ZC3H18: variants seen among roughly 807,000 people sequenced by gnomAD.
ZC3H18 encodes zinc finger CCCH domain-containing protein 18.
Under a neutral mutation model 106.1 loss-of-function variants are expected in ZC3H18, and 8 were observed. That is an observed-to-expected ratio of 0.08 (90% CI 0.04 to 0.14). ZC3H18 has a LOEUF of 0.14. Ranked by LOEUF, ZC3H18 falls within the 10% of genes least tolerant of loss-of-function variation. ZC3H18 has a pLI of 1.00. For missense variants in ZC3H18, 1,318 were observed against 1,278.4 expected, an observed-to-expected ratio of 1.03 and a Z score of -0.47; for synonymous variants, 635 against 522.1, an observed-to-expected ratio of 1.22 and a Z score of -2.95.
At position 88,577,608 on chromosome 16, in the gene ZC3H18, C is replaced by T. The variant is rs1216129993; in HGVS notation, c.485C>T (p.Thr162Ile). ...GATGATGAGGAGAAAGGCGAAGGCA[C>T]TCCCAGGGAGGAGGGGAAGGCTGGT... ...AEDDEEKGEG[T>I]PREEGKAGVQ... Residue 162 changes from threonine (T) to isoleucine (I), a missense_variant, in exon 2 of 18, where the codon ACT becomes ATT. By Grantham distance (89) the Thr-to-Ile change is moderately conservative. Around this residue, in one of 6 missense-constraint regions of ZC3H18, gnomAD observed 346 missense variants for 269.0 expected, o/e 1.29. Transcript: ENST00000301011. 5 of 1,613,684 alleles carry T rather than the reference C, an allele frequency of 3.1e-6. No homozygotes were observed. In the African/African-American group the frequency reaches 6.7e-5, roughly 22 times the overall value.
At chr16:88,574,893 G>A (rs1244660931) in intron 1 of ZC3H18, among the ~76,000 whole-genome samples, 1 of 148,030 alleles carries the variant, frequency 6.8e-6, no homozygotes, top group African/African-American at 2.5e-5. Flanking sequence ...GCAATGGCGC[G>A]ATCTCGGCTC....
intron 1 of ZC3H18, among the ~76,000 whole-genome samples, chr16:88,575,502 G>T (rs1463774898): frequency 6.6e-6 from 1 of 152,034 alleles, no homozygotes; most frequent in East Asian, 1.9e-4. Context: ...GTGACTAGCT[G>T]CCCTGGTAGT....
intron 2 of ZC3H18, among the ~76,000 whole-genome samples, chr16:88,581,269 C>T (rs1915112207): frequency 6.6e-6 from 1 of 152,220 alleles, no homozygotes; most frequent in African/African-American, 2.4e-5. Flanking sequence ...CCCAAAGTGC[C>T]AAGCCACTGT....
intron 1 of ZC3H18, among the ~76,000 whole-genome samples, chr16:88,572,845 C>T (rs1914497880): frequency 1.3e-5 from 2 of 152,022 alleles, no homozygotes; most frequent in African/African-American, 4.8e-5. Flanking sequence ...GCAACCTCCT[C>T]CTCCTGGGTT....
chr16:88,611,197 G>T, intron 7 of ZC3H18, 71 bp from the exon 8 acceptor site: 1 of 707,632 alleles, frequency 1.4e-6, no homozygotes. Flanking sequence ...TGGTGTTGGA[G>T]CCAAGGCTTT....
intron 6 of ZC3H18, among the ~76,000 whole-genome samples, chr16:88,604,523 A>G (rs1200703766): frequency 6.6e-6 from 1 of 151,956 alleles, no homozygotes; most frequent in Non-Finnish European, 1.5e-5. Flanking sequence ...CATCTCTACT[A>G]AAAATACAAA....
At chr16:88,630,634 C>A in intron 17 of ZC3H18, 53 bp downstream of exon 17, 1 of 1,504,866 alleles carries the variant, frequency 6.6e-7, no homozygotes, top group Non-Finnish European at 9.0e-7. Context: ...CAGCCCCAGT[C>A]GCTTCCCCAG....
Position 88,631,107 on chromosome 16 carries a change from C to T in ZC3H18, c.2670C>T (p.Arg890=), listed in dbSNP as rs755250555. The T allele has an allele frequency of 1.9e-6, 3 of 1,611,988 alleles. No homozygotes were observed. The South Asian group carries it at 3.3e-5, about 18-fold the overall frequency. ...KAPAAPADRK[R]QLSPQSKSSS... is the part of the protein sequence containing the mutation. Reference sequence around the variant, plus strand: ...CTTCCCCACCCCCTTGTAGGAAGCGCCAGCTGTCACCCCAGTCCAAGAGCT... The same window carrying T: ...CTTCCCCACCCCCTTGTAGGAAGCGTCAGCTGTCACCCCAGTCCAAGAGCT... Residue 890 remains arginine (R), a synonymous_variant, in exon 18 of 18, where the codon CGC becomes CGT. Transcript: ENST00000301011.
chr16:88,585,762 G>A (rs1353631740), intron 2 of ZC3H18, among the ~76,000 whole-genome samples: 1 of 152,120 alleles, frequency 6.6e-6, no homozygotes, highest in African/African-American at 2.4e-5. Flanking sequence ...GGGTGTGATG[G>A]GCAGTGGTGC....
At position 88,627,728 on chromosome 16, in the gene ZC3H18, G is replaced by C. The variant is rs1395207100; in HGVS notation, c.2215G>C (p.Val739Leu). 2 of 1,613,376 alleles carry C rather than the reference G, an allele frequency of 1.2e-6. No individual in the cohort carries two copies. Among genetic ancestry groups the C allele is most frequent in the Non-Finnish European group, 1.7e-6 (2 of 1,179,640 alleles). ...EDMYADLASP[V>L]SSASSRSPAP... ...CATGTACGCAGACCTGGCTAGCCCC[G>C]TGTCCTCAGCCAGCTCTCGGTCCCC... is the stretch of plus-strand genomic sequence containing the variant. Residue 739 changes from valine (V) to leucine (L), a missense_variant, in exon 14 of 18, where the codon GTG becomes CTG. Coordinates refer to ENST00000301011, the MANE Select transcript of ZC3H18 (RefSeq NM_144604.4). This position sits in a 1 kb window ranked among gnomAD's most constrained non-coding sequence, Gnocchi z 4.5.
At chr16:88,583,496 G>A (rs558580588) in intron 2 of ZC3H18, among the ~76,000 whole-genome samples, 1 of 152,244 alleles carries the variant, frequency 6.6e-6, no homozygotes, top group Non-Finnish European at 1.5e-5. Context: ...GACTTTTGCA[G>A]ATCAGGTGAC....
chr16:88,620,988 T>A lies in ZC3H18; in HGVS notation c.1476-1209T>A, dbSNP rs2142796797. Among the ~76,000 whole-genome samples the A allele has an allele frequency of 1.3e-5, 2 of 150,700 alleles. 1 individual carries two copies. The highest frequency in any genetic ancestry group is 3.9e-4 in the East Asian group (2 of 5,078). ...TCAAACCATTCTCCTGCCCTCAGGC[T>A]CCCCAGTAGCTGGGATTACAGGCAC... On this transcript the variant is annotated intron_variant, in intron 8 of 17. Transcript: ENST00000301011.
At chr16:88,628,472 G>C (rs1466533009) in intron 15 of ZC3H18, among the ~76,000 whole-genome samples, 1 of 152,176 alleles carries the variant, frequency 6.6e-6, no homozygotes, top group East Asian at 1.9e-4. Context: ...GGAAGGGCAA[G>C]AGGCCTGGCT....
chr16:88,625,452 C>G (rs1344976936), intron 13 of ZC3H18, 185 bp downstream of exon 13: 1 of 679,440 alleles, frequency 1.5e-6, no homozygotes, highest in African/African-American at 1.8e-5. Flanking sequence ...GGCCAGGACT[C>G]GTGATAGGAA....
At chr16:88,590,619 A>G (rs372181143) in intron 3 of ZC3H18, among the ~76,000 whole-genome samples, 4 of 128,202 alleles carry the variant, frequency 3.1e-5, no homozygotes, top group Admixed American at 9.8e-5. Flanking sequence ...CTGGAGTGCA[A>G]TGGTGAGATC....
Position 88,631,862 on chromosome 16 carries a change from A to T in ZC3H18, c.*563A>T, listed in dbSNP as rs1906713843. 3.4e-6 allele frequency: 1 copy of T among 297,242 alleles called. No homozygotes were observed. Among genetic ancestry groups the T allele is most frequent in the Admixed American group, 5.0e-5 (1 of 19,906 alleles). 18.4% of individuals were successfully genotyped at this position (297,242 alleles called of 1,614,324 possible). On this transcript the variant is annotated 3_prime_UTR_variant, in exon 18 of 18. Transcript: ENST00000301011. ...TTAGTTGATTTAAAAAGGAAAAAATACAGAAAAGACCAAAAAAAGGCCAAG... is the reference window on the plus strand; with the variant it reads ...TTAGTTGATTTAAAAAGGAAAAAATTCAGAAAAGACCAAAAAAAGGCCAAG...
In ZC3H18 at chr16:88,623,275, G is replaced by T. The variant is rs747611042; in HGVS notation, c.1724G>T (p.Arg575Leu). 6.2e-7 allele frequency: 1 copy of T among 1,613,524 alleles called. No individual in the cohort carries two copies. Among genetic ancestry groups the T allele is most frequent in the East Asian group, 2.2e-5 (1 of 44,880 alleles). ...TCCGGCTCCTCCCGGTCGCGATCCCGGTCTTCATCCTACAGCTCCTACTCC... is the reference window on the plus strand; with the variant it reads ...TCCGGCTCCTCCCGGTCGCGATCCCTGTCTTCATCCTACAGCTCCTACTCC... ...SGSGSSRSRS[R>L]SSSYSSYSSR... Residue 575 changes from arginine to leucine, a missense_variant, in exon 10 of 18, where the codon CGG becomes CTG. By Grantham distance (102) the Arg-to-Leu change is moderately radical (BLOSUM62 -2). Coordinates refer to ENST00000301011, the MANE Select transcript of ZC3H18 (RefSeq NM_144604.4).
intron 2 of ZC3H18, among the ~76,000 whole-genome samples, chr16:88,582,328 G>A (rs999568887): frequency 3.6e-5 from 5 of 138,236 alleles, no homozygotes; most frequent in East Asian, 2.4e-4. Context: ...GGGTTCAAGC[G>A]ATTCTCCTGC....
Position 88,577,620 on chromosome 16 carries a change from A to G in ZC3H18, c.497A>G (p.Glu166Gly). 6.2e-7 allele frequency: 1 copy of G among 1,613,834 alleles called. No individual in the cohort carries two copies. Among genetic ancestry groups the G allele is most frequent in the Non-Finnish European group, 8.5e-7 (1 of 1,179,974 alleles). ...AAAGGCGAAGGCACTCCCAGGGAGGAGGGGAAGGCTGGTGTTCAGAGTGTG... is the reference window on the plus strand; with the variant it reads ...AAAGGCGAAGGCACTCCCAGGGAGGGGGGGAAGGCTGGTGTTCAGAGTGTG... ...EEKGEGTPRE[E>G]GKAGVQSVGE... The change falls in exon 2 of 18, where the codon GAG (glutamate) becomes GGG (glycine). Residue 166 changes from glutamate to glycine, a missense_variant. Physicochemically the swap from Glu to Gly is moderately conservative, Grantham distance 98. This residue lies in a region of ZC3H18 where 346 missense variants were observed against 269.0 expected (regional missense o/e 1.29). Transcript: ENST00000301011.
Sources: gnomAD v4.1 joint callset for allele counts (sites outside exome capture counted in the v4.1 genomes callset) on GRCh38, gnomAD v4.1.1 for gene constraint, gnomAD v4.1.1 regional missense constraint, Gnocchi (gnomAD v3.1) non-coding constraint, MANE v1.5 for transcripts, NCBI Gene and HGNC (gene_info 2026-07-23, HGNC 2026-07-21) for gene names.